The following DLGAP2 variants were observed in gnomAD, a reference collection of about 807,000 sequenced individuals.
DLGAP2 encodes DLG associated protein 2.
A neutral mutation model predicts 100.3 loss-of-function variants in DLGAP2; 26 were observed. The observed-to-expected ratio is 0.26, with a 90% CI of 0.19 to 0.36. The LOEUF (loss-of-function observed/expected upper bound fraction) is 0.36. DLGAP2 is among the 10% of genes least tolerant of loss of function. The pLI is 1.00. For synonymous variants in DLGAP2, 886 were observed against 630.1 expected, an observed-to-expected ratio of 1.41 and a Z score of -6.08; for missense variants, 1,858 against 1,453.2, an observed-to-expected ratio of 1.28 and a Z score of -4.53.
At chr8:1,531,592 A>G (rs1800991435) in intron 4 of DLGAP2, among the ~76,000 whole-genome samples, 2 of 152,192 alleles carry the variant, frequency 1.3e-5, no homozygotes, top group South Asian at 4.1e-4. Flanking sequence ...CTGGGCAACA[A>G]GAATGAAACT....
intron 1 of DLGAP2, among the ~76,000 whole-genome samples, chr8:799,334 G>A (rs1009719120): frequency 2.6e-5 from 4 of 152,164 alleles, no homozygotes; most frequent in African/African-American, 9.7e-5. Context: ...CTCGTGGGCA[G>A]AGGAGGGAGT....
chr8:1,145,968 A>G (rs1007223936), intron 2 of DLGAP2, among the ~76,000 whole-genome samples: 4 of 151,900 alleles, frequency 2.6e-5, no homozygotes, highest in Non-Finnish European at 5.9e-5. Context: ...GCTGCATAGT[A>G]TTCCATGGTG....
intron 1 of DLGAP2, among the ~76,000 whole-genome samples, chr8:785,159 G>T (rs555374147): frequency 7.1e-6 from 1 of 140,066 alleles, no homozygotes; most frequent in African/African-American, 2.7e-5. Context: ...GGAGTTTGCA[G>T]TGAGCAGAGA....
At chr8:1,347,363 A>G (rs1348144522) in intron 3 of DLGAP2, among the ~76,000 whole-genome samples, 1 of 151,418 alleles carries the variant, frequency 6.6e-6, no homozygotes, top group East Asian at 2.0e-4. Flanking sequence ...GAGTTCCCAT[A>G]CACATCTGCA....
intron 3 of DLGAP2, among the ~76,000 whole-genome samples, chr8:1,422,976 G>A (rs1797140847): frequency 2.0e-5 from 3 of 152,272 alleles, no homozygotes; most frequent in South Asian, 2.1e-4. Context: ...ATCCGTGCAG[G>A]TGGCCTGGTA....
intron 3 of DLGAP2, among the ~76,000 whole-genome samples, chr8:1,388,675 C>T (rs1212589924): frequency 2.5e-5 from 2 of 80,280 alleles, no homozygotes; most frequent in African/African-American, 4.5e-5. Flanking sequence ...GAAGAGGAGG[C>T]GCTGGTTCAG....
intron 14 of DLGAP2, among the ~76,000 whole-genome samples, chr8:1,697,736 C>T (rs1047933346): frequency 1.3e-5 from 2 of 152,140 alleles, no homozygotes; most frequent in Admixed American, 1.3e-4. Context: ...TTCAATATAC[C>T]TTCTAGTATG....
intron 1 of DLGAP2, among the ~76,000 whole-genome samples, chr8:837,809 C>T (rs1012184195): frequency 6.6e-6 from 1 of 150,532 alleles, no homozygotes; most frequent in Non-Finnish European, 1.5e-5. Flanking sequence ...TTCTGCCTCC[C>T]GGGTTCAAGC....
intron 1 of DLGAP2, among the ~76,000 whole-genome samples, chr8:834,806 C>T (rs190936193): frequency 6.6e-6 from 1 of 152,186 alleles, no homozygotes; most frequent in South Asian, 2.1e-4. Context: ...ACCTCAGCCT[C>T]ATGCAGTATA....
intron 2 of DLGAP2, among the ~76,000 whole-genome samples, chr8:946,190 G>A (rs1799314843): frequency 6.6e-6 from 1 of 151,806 alleles, no homozygotes; most frequent in Non-Finnish European, 1.5e-5. Flanking sequence ...CACATTGATT[G>A]TCATCTGATC....
At chr8:1,158,676 G>A (rs928947036) in intron 2 of DLGAP2, among the ~76,000 whole-genome samples, 24 of 152,352 alleles carry the variant, frequency 1.6e-4, no homozygotes, top group African/African-American at 5.5e-4. Flanking sequence ...TGTGTTTAGT[G>A]AGTGACGCCG....
rs534152742 is a variant in DLGAP2 at position 1,028,400 on chromosome 8, G to A, written c.73+120434G>A. The stretch of plus-strand genomic sequence containing the variant: ...GCACCCGTTATTCTCCAGGTCGGGT[G>A]TCAGGCGCCCCTTATTCTCCAGGTG... On this transcript the variant is annotated intron_variant, in intron 2 of 14. Coordinates refer to ENST00000637795, the MANE Select transcript of DLGAP2 (RefSeq NM_001346810.2). Among the ~76,000 whole-genome samples the A allele has an allele frequency of 1.0e-3, 147 of 146,710 alleles. 1 individual carries two copies. The highest frequency in any genetic ancestry group is 3.6e-3 in the African/African-American group (142 of 39,164).
chr8:1,679,765 TGAGGTCAG>T (rs1798899509), intron 12 of DLGAP2, among the ~76,000 whole-genome samples: 1 of 152,172 alleles, frequency 6.6e-6, no homozygotes. Flanking sequence ...GTGGATGGCC[TGAGGTCAG>T]GAGTTACAGA....
intron 12 of DLGAP2, among the ~76,000 whole-genome samples, chr8:1,689,019 G>C (rs1799183969): frequency 6.6e-6 from 1 of 152,224 alleles, no homozygotes. Flanking sequence ...TTGGGCAGCA[G>C]GATGCCAGTT....
chr8:1,438,210 T>C (rs2130047740), intron 3 of DLGAP2, among the ~76,000 whole-genome samples: 1 of 152,226 alleles, frequency 6.6e-6, no homozygotes, highest in African/African-American at 2.4e-5. Flanking sequence ...TCTTTTAAAA[T>C]GCATTTTAAA....
At chr8:1,127,475 G>A (rs1050203690) in intron 2 of DLGAP2, among the ~76,000 whole-genome samples, 1 of 152,130 alleles carries the variant, frequency 6.6e-6, no homozygotes, top group Admixed American at 6.5e-5. Context: ...AGAGCCTCGC[G>A]TTGCTTTTCC....
At chr8:1,473,509 A>G (rs1798855863) in intron 3 of DLGAP2, among the ~76,000 whole-genome samples, 1 of 152,230 alleles carries the variant, frequency 6.6e-6, no homozygotes, top group East Asian at 1.9e-4. Flanking sequence ...AAAAGGCAGA[A>G]CTGAAGGGAA....
At position 1,143,431 on chromosome 8, in the gene DLGAP2, C is replaced by T. The variant is rs139585740; in HGVS notation, c.74-115420C>T. On this transcript the variant is annotated intron_variant, in intron 2 of 14. Coordinates refer to ENST00000637795, the MANE Select transcript of DLGAP2 (RefSeq NM_001346810.2). ...ATCAAACTTTCAGTTTTTGGTTCCA[C>T]GGTTTCTTTCCAAAAAGCTACAGAC... Among the ~76,000 whole-genome samples, 303 of 152,298 alleles carry T rather than the reference C, an allele frequency of 2.0e-3. 4 individuals are homozygous for T. The highest frequency in any genetic ancestry group is 0.012 in the Admixed American group (184 of 15,300).
At chr8:822,362 G>T (rs1050578386) in intron 1 of DLGAP2, among the ~76,000 whole-genome samples, 8 of 152,212 alleles carry the variant, frequency 5.3e-5, no homozygotes, top group African/African-American at 1.7e-4. Flanking sequence ...GCCGGGTATG[G>T]TAAGGCCGGG....
Sources: gnomAD v4.1 joint callset for allele counts (sites outside exome capture counted in the v4.1 genomes callset) on GRCh38, gnomAD v4.1.1 for gene constraint, MANE v1.5 for transcripts, NCBI Gene and HGNC (gene_info 2026-07-23, HGNC 2026-07-21) for gene names.